TENT2: variants seen among roughly 807,000 people sequenced by gnomAD.
The protein encoded by TENT2 is terminal nucleotidyltransferase 2.
A neutral mutation model predicts 72.2 loss-of-function variants in TENT2; 44 were observed. That is an observed-to-expected ratio of 0.61 (90% confidence interval 0.48 to 0.78). The LOEUF (loss-of-function observed/expected upper bound fraction) is 0.78. Among genes scored for constraint, TENT2 ranks in the 30% least tolerant of loss-of-function variants. The pLI is 0.00. For synonymous variants in TENT2, 212 were observed against 192.5 expected (o/e 1.10, Z -0.84); for missense variants, 541 against 569.6 (o/e 0.95, Z 0.51).
At chr5:79,659,130 C>A (rs2150359362) in intron 11 of TENT2, among the ~76,000 whole-genome samples, 1 of 152,122 alleles carries the variant, frequency 6.6e-6, no homozygotes, top group South Asian at 2.1e-4. Context: ...GGACTTACTA[C>A]CTGTTCTCAC....
At chr5:79,629,397 A>G (rs1177312046) in intron 4 of TENT2, among the ~76,000 whole-genome samples, 1 of 152,224 alleles carries the variant, frequency 6.6e-6, no homozygotes, top group Non-Finnish European at 1.5e-5. Context: ...GAAACACCCT[A>G]GAGTAGATAA....
intron 12 of TENT2, among the ~76,000 whole-genome samples, chr5:79,676,753 C>T (rs1424184437): frequency 6.6e-6 from 1 of 151,936 alleles, no homozygotes; most frequent in East Asian, 1.9e-4. Flanking sequence ...TAAATTAAGC[C>T]CCATATCTGT....
At chr5:79,651,853 A>G (rs1191886051) in intron 10 of TENT2, among the ~76,000 whole-genome samples, 1 of 152,056 alleles carries the variant, frequency 6.6e-6, no homozygotes, top group East Asian at 1.9e-4. Flanking sequence ...CTTGGTAATC[A>G]AAGTTTTATG....
intron 4 of TENT2, 93 bp downstream of exon 4, chr5:79,623,582 A>T (rs1766830585): frequency 1.1e-6 from 1 of 870,166 alleles, no homozygotes; most frequent in Non-Finnish European, 1.7e-6. Flanking sequence ...ATTAAGTAGA[A>T]CGTGCCTTTT....
At position 79,648,430 on chromosome 5, in the gene TENT2, A is replaced by C. The variant is rs182066457; in HGVS notation, c.822-187A>C. 4.3e-3 allele frequency among the ~76,000 whole-genome samples: 651 copies of C among 152,346 alleles called. 3 individuals are homozygous for C. Among genetic ancestry groups the C allele is most frequent in the African/African-American group, 0.015 (619 of 41,580 alleles). ...TTCAGTACTCATCAGATCACATTGA[A>C]ATAACATACTGAGTATTTGTTCATT... On this transcript the variant is annotated intron_variant, in intron 8 of 14. Coordinates refer to ENST00000453514, the MANE Select transcript of TENT2 (RefSeq NM_001114394.3).
At chr5:79,649,681 C>T (rs952087134) in intron 10 of TENT2, among the ~76,000 whole-genome samples, 2 of 152,020 alleles carry the variant, frequency 1.3e-5, no homozygotes, top group African/African-American at 4.8e-5. Context: ...TCTGGTTAGT[C>T]ATTGTTTATG....
intron 6 of TENT2, among the ~76,000 whole-genome samples, chr5:79,642,492 A>G (rs6453468): frequency 0.46 from 69,469 of 151,858 alleles, 19,813 homozygotes; most frequent in African/African-American, 0.8. Flanking sequence ...TTAAAATCTA[A>G]ATAGGGCTAA....
chr5:79,624,972 G>A (rs1433891798), intron 4 of TENT2, among the ~76,000 whole-genome samples: 3 of 152,234 alleles, frequency 2.0e-5, no homozygotes, highest in Non-Finnish European at 4.4e-5. Context: ...AACTGCTGAA[G>A]TGTTTTCTAA....
intron 4 of TENT2, 99 bp from the exon 5 acceptor site, chr5:79,640,752 T>C: frequency 1.5e-6 from 1 of 647,946 alleles, no homozygotes; most frequent in Non-Finnish European, 2.6e-6. Context: ...ATACTCCCTT[T>C]TAAAATAGTG....
intron 11 of TENT2, among the ~76,000 whole-genome samples, chr5:79,666,984 A>T (rs181857728): frequency 1.3e-5 from 2 of 152,144 alleles, no homozygotes; most frequent in African/African-American, 4.8e-5. Flanking sequence ...CTCAATAAGC[A>T]TGACCTGACT....
rs764935383 is a variant in TENT2, at chr5:79,623,279, T to G, written c.255T>G (p.Pro85=). The change falls in exon 4 of 15, where the codon CCT becomes CCG. Residue 85 remains proline (P), a synonymous_variant. Transcript: ENST00000453514. ...RKRLSDEKNL[P]LDGKRQRFHS... ...GATTAAGCGATGAAAAAAACCTTCC[T>G]CTTGACGGTAAACGGCAACGTTTCC... The G allele has an allele frequency of 1.9e-6, 3 of 1,613,236 alleles. No homozygotes were observed. In the Admixed American group the frequency reaches 5.0e-5, roughly 27 times the overall value.
In TENT2 at chr5:79,679,548, G is replaced by A. The variant is rs757379861; in HGVS notation, c.1209-31G>A. The A allele has an allele frequency of 2.1e-6, 3 of 1,459,432 alleles. No individual in the cohort carries two copies. In the South Asian group the frequency reaches 3.8e-5, roughly 19 times the overall value. The allele number at this position is 1,459,432 out of a possible 1,614,324, so 90.4% of individuals were successfully genotyped here. A position where few individuals can be genotyped will look rare whatever the true frequency, so the allele number is the denominator to read the frequency against. ...TAATATAAGAGAAATTATGAAAATA[G>A]TTAACATGGTTACTGTTTTTCTTCT... On this transcript the variant is annotated intron_variant, in intron 12 of 14. Transcript: ENST00000453514.
intron 10 of TENT2, among the ~76,000 whole-genome samples, chr5:79,651,170 TG>T (rs201908474): frequency 0.01 from 1,542 of 152,066 alleles, 11 homozygotes; most frequent in Middle Eastern, 0.017. Flanking sequence ...TTCTGGCTTT[TG>T]TTTTTTTTGC....
chr5:79,614,049 C>T (rs961353914), intron 1 of TENT2: 3 of 149,470 alleles, frequency 2.0e-5, no homozygotes, highest in African/African-American at 7.4e-5. Context: ...TTGCAAATTC[C>T]AGGACCAAAT....
At position 79,687,428 on chromosome 5, in the gene TENT2, A is replaced by G. The variant is rs554679778; in HGVS notation, c.*2155A>G. Among the ~76,000 whole-genome samples the G allele has an allele frequency of 3.9e-5, 6 of 152,286 alleles. No homozygotes were observed. The South Asian group carries it at 6.2e-4, about 16-fold the overall frequency. On this transcript the variant is annotated 3_prime_UTR_variant, in exon 15 of 15. Coordinates refer to ENST00000453514, the MANE Select transcript of TENT2 (RefSeq NM_001114394.3). ...TCAACCCCGTCCTCTTCAGATACCA[A>G]AATCCACAGATACTCAAGTCCCTTA... is the stretch of plus-strand genomic sequence containing the variant.
chr5:79,642,910 T>G lies in TENT2; in HGVS notation c.751T>G (p.Ser251Ala). 1 of 1,608,906 alleles carries G rather than the reference T, an allele frequency of 6.2e-7. No individual in the cohort carries two copies. The highest frequency in any genetic ancestry group is 1.1e-5 in the South Asian group (1 of 90,144). ...LVHKHFCTRLSGYIERPQLIR... is the reference protein window; with the variant it reads ...LVHKHFCTRLAGYIERPQLIR... The stretch of plus-strand genomic sequence containing the variant: ...CCATAAACACTTCTGTACTAGACTT[T>G]GTAAGTCTGACATGCCTCAAGTTTG... The change falls in exon 7 of 15, where the codon TCG (serine) becomes GCG (alanine). Residue 251 changes from serine (S) to alanine (A), a missense_variant and splice_region_variant. Ser to Ala is a moderately conservative substitution (Grantham distance 99). Transcript: ENST00000453514.
intron 1 of TENT2, among the ~76,000 whole-genome samples, chr5:79,614,300 A>T (rs1757750647): frequency 6.6e-6 from 1 of 151,836 alleles, no homozygotes; most frequent in South Asian, 2.1e-4. Context: ...GCAGGGTTTC[A>T]CCATGTTGGC....
chr5:79,679,688 A>T lies in TENT2; in HGVS notation c.1300+18A>T. On this transcript the variant is annotated intron_variant, in intron 13 of 14. Coordinates refer to ENST00000453514, the MANE Select transcript of TENT2 (RefSeq NM_001114394.3). ...TGTAGAAGGTAGTTTTCTGTTTACC[A>T]TCTACGTATCATCATGGTACTAAGA... is the stretch of plus-strand genomic sequence containing the variant. The T allele has an allele frequency of 7.1e-7, 1 of 1,406,666 alleles. No individual in the cohort carries two copies. Among genetic ancestry groups the T allele is most frequent in the South Asian group, 1.5e-5 (1 of 68,900 alleles). 87.1% of individuals were successfully genotyped at this position (1,406,666 alleles called of 1,614,324 possible).
rs1561620180 is a variant in TENT2, at chr5:79,688,041, C to G, written c.*2768C>G. On this transcript the variant is annotated 3_prime_UTR_variant, in exon 15 of 15. Coordinates refer to ENST00000453514, the MANE Select transcript of TENT2 (RefSeq NM_001114394.3). ...AACCTGGTTTAGTGAGCTGTGGAAG[C>G]CTTGACTCTGCTGTTTTCCCTCCTT... Among the ~76,000 whole-genome samples the G allele has an allele frequency of 6.6e-6, 1 of 152,098 alleles. No individual in the cohort carries two copies. The highest frequency in any genetic ancestry group is 1.5e-5 in the Non-Finnish European group (1 of 68,012).
Sources: gnomAD v4.1 joint callset for allele counts (sites outside exome capture counted in the v4.1 genomes callset) on GRCh38, gnomAD v4.1.1 for gene constraint, MANE v1.5 for transcripts, NCBI Gene and HGNC (gene_info 2026-07-23, HGNC 2026-07-21) for gene names.